PBX3: variants seen among roughly 807,000 people sequenced by gnomAD.
The protein encoded by PBX3 is pre-B-cell leukemia transcription factor 3.
A neutral mutation model predicts 48.5 loss-of-function variants in PBX3; 14 were observed. The observed-to-expected ratio is 0.29, with a 90% CI of 0.19 to 0.45. The LOEUF is 0.45. PBX3 is among the 20% of genes least tolerant of loss of function. The pLI, the probability that PBX3 is intolerant of heterozygous loss-of-function variation, is 1.00. For synonymous variants in PBX3, 210 were observed against 200.3 expected (o/e 1.05, Z -0.41); for missense variants, 386 against 546.7 (o/e 0.71, Z 2.93).
rs1453935420 is a variant in PBX3, at chr9:125,853,612, C to T, written c.275-62074C>T. 2.6e-5 allele frequency among the ~76,000 whole-genome samples: 4 copies of T among 152,276 alleles called. No individual in the cohort carries two copies. The East Asian group carries it at 7.7e-4, about 29-fold the overall frequency. On this transcript the variant is annotated intron_variant, in intron 2 of 8. Transcript: ENST00000373489. ...GGTGGGAAAAGAAAGGAAAATCCATCTTCGAATGTATCCAAGTGCAAAGTT... is the reference window on the plus strand; with the variant it reads ...GGTGGGAAAAGAAAGGAAAATCCATTTTCGAATGTATCCAAGTGCAAAGTT...
At chr9:125,838,520 A>G (rs2132221258) in intron 2 of PBX3, among the ~76,000 whole-genome samples, 1 of 152,338 alleles carries the variant, frequency 6.6e-6, no homozygotes, top group African/African-American at 2.4e-5. Flanking sequence ...TTGGTAGACA[A>G]GAAGATTTGG....
chr9:125,767,983 A>G (rs2185254), intron 2 of PBX3, among the ~76,000 whole-genome samples: 3,057 of 151,886 alleles, frequency 0.02, 171 homozygotes, highest in East Asian at 0.17. Flanking sequence ...GGACGGGGAG[A>G]GGGGAGTTTA....
chr9:125,915,649 T>G, intron 2 of PBX3, 37 bp from the exon 3 acceptor site: 1 of 1,535,612 alleles, frequency 6.5e-7, no homozygotes, highest in South Asian at 1.2e-5. Flanking sequence ...TGTTTCTCGC[T>G]TCTTCTCTCT....
intron 2 of PBX3, among the ~76,000 whole-genome samples, chr9:125,913,819 A>G (rs1841261261): frequency 6.6e-6 from 1 of 152,184 alleles, no homozygotes; most frequent in Admixed American, 6.5e-5. Flanking sequence ...AAAAATCAAC[A>G]AACACACAAA....
At chr9:125,918,536 G>A (rs1325758763) in intron 3 of PBX3, among the ~76,000 whole-genome samples, 1 of 152,090 alleles carries the variant, frequency 6.6e-6, no homozygotes, top group Non-Finnish European at 1.5e-5. Context: ...GATATAATCA[G>A]TAGCCTAATA....
intron 3 of PBX3, among the ~76,000 whole-genome samples, chr9:125,924,051 A>G (rs1288286780): frequency 1.4e-5 from 2 of 145,974 alleles, no homozygotes; most frequent in African/African-American, 5.1e-5. Flanking sequence ...TTTGTTTATT[A>G]TAGAGATGAG....
At chr9:125,858,325 C>T (rs903495230) in intron 2 of PBX3, among the ~76,000 whole-genome samples, 5 of 152,142 alleles carry the variant, frequency 3.3e-5, no homozygotes, top group Non-Finnish European at 7.3e-5. Flanking sequence ...TTATACCTCT[C>T]GTTTGTATAT....
At chr9:125,888,385 C>A (rs761233699) in intron 2 of PBX3, among the ~76,000 whole-genome samples, 1 of 152,050 alleles carries the variant, frequency 6.6e-6, no homozygotes, top group Non-Finnish European at 1.5e-5. Context: ...TAGACAAATA[C>A]GTGTAAGGTT....
At chr9:125,820,288 T>C (rs556563790) in intron 2 of PBX3, among the ~76,000 whole-genome samples, 1 of 152,362 alleles carries the variant, frequency 6.6e-6, no homozygotes, top group East Asian at 1.9e-4. Flanking sequence ...TAGATTGTGG[T>C]GTGAAACAAG....
chr9:125,795,435 TTA>T (rs1564659141), intron 2 of PBX3, among the ~76,000 whole-genome samples: 1 of 152,236 alleles, frequency 6.6e-6, no homozygotes, highest in African/African-American at 2.4e-5. Flanking sequence ...TTTACTGATA[TTA>T]TATTCTTTGT....
At position 125,963,609 on chromosome 9, in the gene PBX3, A is replaced by G. The variant is rs1842474938; in HGVS notation, c.1212+508A>G. Among the ~76,000 whole-genome samples the G allele has an allele frequency of 1.3e-5, 2 of 152,118 alleles. 1 individual carries two copies. Among genetic ancestry groups the G allele is most frequent in the South Asian group, 4.1e-4 (2 of 4,824 alleles). Reference sequence around the variant, plus strand: ...GGAAATAATTTTAACTTTTGTAACTACTTCACTACAACTTTACCTTTCCCT... The same window carrying G: ...GGAAATAATTTTAACTTTTGTAACTGCTTCACTACAACTTTACCTTTCCCT... On this transcript the variant is annotated intron_variant, in intron 8 of 8. Transcript: ENST00000373489.
intron 2 of PBX3, among the ~76,000 whole-genome samples, chr9:125,751,036 G>A (rs1186053993): frequency 6.6e-6 from 1 of 152,084 alleles, no homozygotes; most frequent in Non-Finnish European, 1.5e-5. Flanking sequence ...TTCCATAGTC[G>A]GTCATGCTTT....
At chr9:125,825,577 A>C (rs911642778) in intron 2 of PBX3, among the ~76,000 whole-genome samples, 1 of 151,552 alleles carries the variant, frequency 6.6e-6, no homozygotes, top group Non-Finnish European at 1.5e-5. Context: ...GCCATGCTTC[A>C]CGTAGCCTGT....
At chr9:125,929,601 C>A in intron 3 of PBX3, 54 bp from the exon 4 acceptor site, 2 of 1,267,774 alleles carry the variant, frequency 1.6e-6, no homozygotes, top group Non-Finnish European at 2.3e-6. Context: ...GAGTGAATGT[C>A]TTCGTGTGAT....
chr9:125,799,386 G>C (rs1204328818), intron 2 of PBX3, among the ~76,000 whole-genome samples: 2 of 152,124 alleles, frequency 1.3e-5, no homozygotes, highest in African/African-American at 4.8e-5. Context: ...GCACGCTGTA[G>C]TCCCAGCTAC....
chr9:125,825,748 G>A lies in PBX3; in HGVS notation c.274+77125G>A, dbSNP rs559187600. Among the ~76,000 whole-genome samples, 8 of 152,278 alleles carry A rather than the reference G, an allele frequency of 5.3e-5. No homozygotes were observed. The East Asian group carries it at 1.5e-3, about 29-fold the overall frequency. On this transcript the variant is annotated intron_variant, in intron 2 of 8. Coordinates refer to ENST00000373489, the MANE Select transcript of PBX3 (RefSeq NM_006195.6). ...AGTTTGAAAACCACTGATTTAGAAA[G>A]TATCCTCATTTCATCAGTAAGCATC...
chr9:125,863,392 A>G (rs1205003879), intron 2 of PBX3, among the ~76,000 whole-genome samples: 1 of 150,910 alleles, frequency 6.6e-6, no homozygotes, highest in African/African-American at 2.4e-5. Flanking sequence ...TTGTATTTTT[A>G]GTAGAGATGG....
chr9:125,779,261 T>A (rs966273024), intron 2 of PBX3, among the ~76,000 whole-genome samples: 16 of 145,230 alleles, frequency 1.1e-4, no homozygotes, highest in Non-Finnish European at 2.1e-4. Flanking sequence ...TTTTTTTTTT[T>A]AATTTTTATT....
At chr9:125,834,992 C>T (rs1448591848) in intron 2 of PBX3, among the ~76,000 whole-genome samples, 1 of 116,924 alleles carries the variant, frequency 8.6e-6, no homozygotes, top group Admixed American at 1.1e-4. Flanking sequence ...ACTCCAGCCT[C>T]GGTGACGAGC....
Sources: allele counts gnomAD v4.1 joint callset (sites outside exome capture counted in the v4.1 genomes callset), GRCh38; gene constraint gnomAD v4.1.1; transcripts MANE v1.5; gene names NCBI Gene and HGNC (gene_info 2026-07-23, HGNC 2026-07-21).